The following MLC1 variants were observed in gnomAD, a reference collection of about 807,000 sequenced individuals.
The protein encoded by MLC1 is modulator of VRAC current 1, also known as membrane protein MLC1.
A neutral mutation model predicts 44.7 loss-of-function variants in MLC1; 32 were observed. The observed-to-expected ratio is 0.72, with a 90% CI of 0.54 to 0.96. The LOEUF (loss-of-function observed/expected upper bound fraction) is 0.96. Among genes scored for constraint, MLC1 ranks in the 40% least tolerant of loss-of-function variants. The probability of loss-of-function intolerance (pLI) is 0.00; values close to 1 mark genes in which losing one functional copy is unlikely to be tolerated. For missense variants in MLC1, 459 were observed against 492.2 expected, an observed-to-expected ratio of 0.93 and a Z score of 0.64; for synonymous variants, 190 against 213.0, an observed-to-expected ratio of 0.89 and a Z score of 0.94.
In MLC1 at chr22:50,077,023, C is replaced by T. The variant is rs966558297; in HGVS notation, c.526-111G>A. On this transcript the variant is annotated intron_variant, in intron 6 of 11. Transcript: ENST00000311597. ...GTCAGGTCAGCCTGCCGTGTAGATGCGAGACCGCCTTGGAGGCGCCCGTGG... is the reference window on the plus strand; with the variant it reads ...GTCAGGTCAGCCTGCCGTGTAGATGTGAGACCGCCTTGGAGGCGCCCGTGG... 6.9e-5 allele frequency: 79 copies of T among 1,139,860 alleles called. 2 individuals are homozygous for T. In the South Asian group the frequency reaches 7.9e-4, roughly 11 times the overall value. The allele number at this position is 1,139,860 out of a possible 1,614,324, so 70.6% of individuals were successfully genotyped here.
rs370132302 is a variant in MLC1 at position 50,084,863 on chromosome 22, G to A, written c.40C>T (p.Arg14Trp). Residue 14 changes from arginine (R) to tryptophan (W), a missense_variant, in exon 2 of 12, where the codon CGG becomes TGG. Coordinates refer to ENST00000311597, the MANE Select transcript of MLC1 (RefSeq NM_015166.4). The part of the protein sequence containing the change: ...EPFREELAYD[R>W]MPTLERGRQD... Reference sequence around the variant, plus strand: ...CGGCCCCGCTCCAGCGTGGGCATCCGGTCATAGGCCAGCTCCTCTCTGAAT... The same window carrying A: ...CGGCCCCGCTCCAGCGTGGGCATCCAGTCATAGGCCAGCTCCTCTCTGAAT... 5.0e-6 allele frequency: 8 copies of A among 1,613,298 alleles called. No individual in the cohort carries two copies. The East Asian group carries it at 8.9e-5, about 18-fold the overall frequency.
chr22:50,080,511 T>C, intron 3 of MLC1, 114 bp from the exon 4 acceptor site: 2 of 1,182,872 alleles, frequency 1.7e-6, no homozygotes, highest in Non-Finnish European at 2.4e-6. Context: ...CAAAACAGTG[T>C]TGCCAGTCCA....
intron 5 of MLC1, among the ~76,000 whole-genome samples, chr22:50,078,977 T>C (rs2062049238): frequency 1.3e-5 from 2 of 152,064 alleles, no homozygotes; most frequent in South Asian, 2.1e-4. Context: ...CCATCTGCTC[T>C]CCGTCTTAAT....
intron 9 of MLC1, among the ~76,000 whole-genome samples, chr22:50,069,601 G>A (rs1265287928): frequency 2.0e-5 from 3 of 151,920 alleles, no homozygotes; most frequent in Non-Finnish European, 2.9e-5. Flanking sequence ...AGCTGAGATC[G>A]TACCACTGCA....
chr22:50,074,116 C>G (rs191079330), intron 8 of MLC1, 100 bp downstream of exon 8: 1 of 985,878 alleles, frequency 1.0e-6, no homozygotes, highest in African/African-American at 1.6e-5. Flanking sequence ...TGTGGTGACT[C>G]TCTGTCTGAA....
chr22:50,080,539 G>A (rs2062096745), intron 3 of MLC1, 142 bp from the exon 4 acceptor site: 4 of 919,448 alleles, frequency 4.4e-6, no homozygotes, highest in Admixed American at 4.0e-5. Flanking sequence ...CAGTGGGTTG[G>A]CTTGACTAGA....
intron 11 of MLC1, among the ~76,000 whole-genome samples, chr22:50,063,438 A>C (rs1601965991): frequency 2.0e-5 from 3 of 147,332 alleles, no homozygotes; most frequent in African/African-American, 7.6e-5. Context: ...GCGCCACTGC[A>C]CTCCAGTCTG....
chr22:50,066,308 G>A (rs2294387), intron 10 of MLC1, among the ~76,000 whole-genome samples: 18,428 of 143,540 alleles, frequency 0.13, 1,228 homozygotes, highest in South Asian at 0.24. Flanking sequence ...TGACCAGCCC[G>A]GGCAACAGAG....
At chr22:50,076,934 A>G (rs1555967038) in intron 6 of MLC1, 22 bp from the exon 7 acceptor site, 4 of 1,613,654 alleles carry the variant, frequency 2.5e-6, no homozygotes, top group Non-Finnish European at 3.4e-6. Context: ...CAGAACTGTC[A>G]CCCCGGGTGC....
At chr22:50,076,984 G>C in intron 6 of MLC1, 72 bp from the exon 7 acceptor site, 1 of 1,550,974 alleles carries the variant, frequency 6.4e-7, no homozygotes, top group South Asian at 1.1e-5. Flanking sequence ...GCATCCGGCC[G>C]CCGTGGGCAG....
chr22:50,068,522 A>G lies in MLC1; in HGVS notation c.805T>C (p.Ser269Pro), dbSNP rs1212911628. 3 of 1,613,132 alleles carry G rather than the reference A, an allele frequency of 1.9e-6. No homozygotes were observed. The highest frequency in any genetic ancestry group is 2.5e-6 in the Non-Finnish European group (3 of 1,179,392). The change falls in exon 10 of 12, where the codon TCT (serine) becomes CCT (proline). Residue 269 changes from serine (S) to proline (P), a missense_variant. Coordinates refer to ENST00000311597, the MANE Select transcript of MLC1 (RefSeq NM_015166.4). The part of the protein sequence containing the change: ...EVLIAISSLT[S>P]PLLFTASGYL... ...CCAGAGGCTGTGAACAGCAGCGGAG[A>G]CGTGAGGCTGCTTATGGCAATCAGG... is the stretch of plus-strand genomic sequence containing the variant.
At chr22:50,084,700 CA>C (rs1569252841) in intron 2 of MLC1, 25 bp downstream of exon 2, 1 of 1,612,776 alleles carries the variant, frequency 6.2e-7, no homozygotes. Flanking sequence ...CGTGGCCCTC[CA>C]AGGGCTTAGT....
At chr22:50,063,292 G>A (rs1242792983) in intron 11 of MLC1, among the ~76,000 whole-genome samples, 4 of 151,968 alleles carry the variant, frequency 2.6e-5, no homozygotes. Flanking sequence ...AACCAACATA[G>A]TGAAACCCCA....
At chr22:50,081,057 G>GAAAGAAAGAAAGAAAA (rs1306674913) in intron 3 of MLC1, among the ~76,000 whole-genome samples, 1 of 151,328 alleles carries the variant, frequency 6.6e-6, no homozygotes, top group African/African-American at 2.4e-5. Flanking sequence ...AAGAAAGAAA[G>GAAAGAAAGAAAGAAAA]AGGAGGTCTG....
chr22:50,059,562 CTT>C lies in MLC1; in HGVS notation c.*2019_*2020del, dbSNP rs1319172744. On this transcript the variant is annotated 3_prime_UTR_variant, in exon 12 of 12. Transcript: ENST00000311597. Reference sequence around the variant, plus strand: ...CAAGTGCCTAATTCTGACTCTGAAACTTGAGCTCTCTGGTCTGCCCCCAAGAA... The same window carrying C: ...CAAGTGCCTAATTCTGACTCTGAAACGAGCTCTCTGGTCTGCCCCCAAGAA... The C allele has an allele frequency of 6.6e-6, 1 of 152,348 alleles. No individual in the cohort carries two copies. The highest frequency in any genetic ancestry group is 1.5e-5 in the Non-Finnish European group (1 of 68,046). The allele number at this position is 152,348 out of a possible 1,614,324, so 9.4% of individuals were successfully genotyped here. A position where few individuals can be genotyped will look rare whatever the true frequency, so the allele number is the denominator to read the frequency against.
At chr22:50,071,844 A>G (rs904003499) in intron 8 of MLC1, among the ~76,000 whole-genome samples, 1 of 152,220 alleles carries the variant, frequency 6.6e-6, no homozygotes, top group African/African-American at 2.4e-5. Flanking sequence ...GAAGGTGTCC[A>G]GGTGCCAGCA....
intron 3 of MLC1, among the ~76,000 whole-genome samples, chr22:50,080,880 G>A (rs1033251902): frequency 2.0e-5 from 3 of 151,982 alleles, no homozygotes; most frequent in African/African-American, 4.8e-5. Flanking sequence ...AGTATCAGCC[G>A]GGTGCAGTGG....
chr22:50,082,239 C>T (rs1256626996), intron 3 of MLC1, among the ~76,000 whole-genome samples: 36 of 103,960 alleles, frequency 3.5e-4, no homozygotes, highest in African/African-American at 1.1e-3. Context: ...ATGGGGTGCG[C>T]GGCTTGCGGG....
rs779776421 is a variant in MLC1, at chr22:50,068,605, A to G, written c.772-50T>C. 5.3e-6 allele frequency: 7 copies of G among 1,318,360 alleles called. No individual in the cohort carries two copies. The Admixed American group carries it at 1.3e-4, about 25-fold the overall frequency. 81.7% of individuals were successfully genotyped at this position (1,318,360 alleles called of 1,614,324 possible). ...GACCACGGCCGGAGCCTGGGAGCCC[A>G]GGACAGCGGGCGTGGCCAGGGCTGG... is the stretch of plus-strand genomic sequence containing the variant. On this transcript the variant is annotated intron_variant, in intron 9 of 11. Coordinates refer to ENST00000311597, the MANE Select transcript of MLC1 (RefSeq NM_015166.4).
Sources: allele counts gnomAD v4.1 joint callset (sites outside exome capture counted in the v4.1 genomes callset), GRCh38; gene constraint gnomAD v4.1.1; transcripts MANE v1.5; gene names NCBI Gene and HGNC (gene_info 2026-07-23, HGNC 2026-07-21).